Variants in UNC13B observed in about 807,000 individuals in gnomAD.
The protein encoded by UNC13B is protein unc-13 homolog B.
A neutral mutation model predicts 211.0 loss-of-function variants in UNC13B; 144 were observed. The ratio of observed to expected loss-of-function variants is 0.68; its 90% CI spans 0.60 to 0.78. The LOEUF is 0.78. Among genes scored for constraint, UNC13B ranks in the 30% least tolerant of loss-of-function variants. UNC13B has a pLI of 0.00. For synonymous variants in UNC13B, 709 were observed against 725.8 expected (o/e 0.98, Z 0.37); for missense variants, 1,777 against 2,002.0 (o/e 0.89, Z 2.14).
chr9:35,375,307 G>A (rs1280173978), intron 14 of UNC13B, 106 bp downstream of exon 14: 1 of 1,201,114 alleles, frequency 8.3e-7, no homozygotes, highest in East Asian at 2.4e-5. Flanking sequence ...AAGAGTGCTG[G>A]ACACACATTG....
At chr9:35,223,412 C>A (rs532665261) in intron 1 of UNC13B, among the ~76,000 whole-genome samples, 6 of 152,198 alleles carry the variant, frequency 3.9e-5, no homozygotes, top group African/African-American at 1.4e-4. Context: ...TGATAGCTCA[C>A]TGTGGTTTTG....
chr9:35,313,351 G>A (rs1047555999), intron 10 of UNC13B, among the ~76,000 whole-genome samples: 2 of 152,160 alleles, frequency 1.3e-5, no homozygotes, highest in African/African-American at 2.4e-5. Flanking sequence ...CAGATGAGGC[G>A]CAGTGGCTCA....
intron 11 of UNC13B, among the ~76,000 whole-genome samples, chr9:35,327,916 TA>T (rs1831112540): frequency 6.6e-6 from 1 of 152,264 alleles, no homozygotes. Context: ...AGGTAAAAAC[TA>T]AAGTTGTCAG....
chr9:35,254,603 CT>C (rs990941048), intron 6 of UNC13B, among the ~76,000 whole-genome samples: 2 of 151,906 alleles, frequency 1.3e-5, no homozygotes, highest in African/African-American at 4.8e-5. Context: ...TATTATACTA[CT>C]TTTGTTAGAT....
chr9:35,229,108 C>G (rs1280960328), intron 2 of UNC13B, among the ~76,000 whole-genome samples: 1 of 151,994 alleles, frequency 6.6e-6, no homozygotes, highest in African/African-American at 2.4e-5. Flanking sequence ...ACTTTAAAAT[C>G]TCTGTCCATC....
intron 1 of UNC13B, among the ~76,000 whole-genome samples, chr9:35,198,157 C>T (rs916256235): frequency 2.0e-5 from 3 of 151,948 alleles, no homozygotes; most frequent in East Asian, 3.9e-4. Context: ...CCAAATCTCA[C>T]GTCGAATTGT....
At position 35,295,887 on chromosome 9, in the gene UNC13B, A is replaced by G. The variant is rs773559713; in HGVS notation, c.718A>G (p.Met240Val). The change falls in exon 8 of 40, where the codon ATG becomes GTG. Residue 240 changes from methionine (M) to valine (V), a missense_variant. Transcript: ENST00000635942. ...GSSRDSCNDS[M>V]QSYDLDYPER... ...TTCCCGGGACTCTTGTAATGACTCTATGCAAAGTTATGACCTTGATTATCC... is the reference window on the plus strand; with the variant it reads ...TTCCCGGGACTCTTGTAATGACTCTGTGCAAAGTTATGACCTTGATTATCC... 3.3e-5 allele frequency: 53 copies of G among 1,613,766 alleles called. No homozygotes were observed. In the Admixed American group the frequency reaches 4.3e-4, roughly 13 times the overall value.
At chr9:35,248,968 C>A (rs1826279512) in intron 6 of UNC13B, among the ~76,000 whole-genome samples, 1 of 152,064 alleles carries the variant, frequency 6.6e-6, no homozygotes, top group African/African-American at 2.4e-5. Context: ...TAAAGTCTCC[C>A]ATTATTATTG....
At chr9:35,380,322 TC>T (rs1834737335) in intron 17 of UNC13B, 147 bp from the exon 18 acceptor site, 3 of 852,238 alleles carry the variant, frequency 3.5e-6, no homozygotes, top group African/African-American at 1.7e-5. Flanking sequence ...AGCCCAACTT[TC>T]TTGGAACTTT....
chr9:35,396,770 G>T, intron 27 of UNC13B, 71 bp from the exon 28 acceptor site: 3 of 1,604,410 alleles, frequency 1.9e-6, no homozygotes, highest in Non-Finnish European at 2.6e-6. Context: ...ACCCCAGTCT[G>T]GTGGAGCTGT....
intron 1 of UNC13B, among the ~76,000 whole-genome samples, chr9:35,196,426 G>A (rs7044080): frequency 0.98 from 149,717 of 152,328 alleles, 73,625 homozygotes; most frequent in East Asian, 1. Flanking sequence ...AATCCCTTGT[G>A]GCTTTGGTTC....
Position 35,310,739 on chromosome 9 carries a change from A to T in UNC13B, c.9281A>T (p.Asp3094Val). 6.2e-7 allele frequency: 1 copy of T among 1,613,862 alleles called. No individual in the cohort carries two copies. Among genetic ancestry groups the T allele is most frequent in the Non-Finnish European group, 8.5e-7 (1 of 1,179,946 alleles). Residue 3094 changes from aspartate to valine, a missense_variant, in exon 10 of 40, where the codon GAT becomes GTT. By Grantham distance (152) the Asp-to-Val change is radical (BLOSUM62 -3). Transcript: ENST00000635942. ...GATGCCACAACCCACCCTCCCCCAG[A>T]TCTGGTGCTGCAAAAAGACCACTTC... ...KEDATTHPPPDLVLQKDHFLG... is the reference protein window; with the variant it reads ...KEDATTHPPPVLVLQKDHFLG...
At chr9:35,238,613 T>A (rs1383996668) in intron 5 of UNC13B, among the ~76,000 whole-genome samples, 1 of 151,840 alleles carries the variant, frequency 6.6e-6, no homozygotes, top group Non-Finnish European at 1.5e-5. Context: ...TTTAGGGCAG[T>A]GGCATGATCT....
intron 1 of UNC13B, among the ~76,000 whole-genome samples, chr9:35,193,426 A>C (rs1434899678): frequency 6.6e-6 from 1 of 152,064 alleles, no homozygotes; most frequent in Non-Finnish European, 1.5e-5. Context: ...AGACAGGTGG[A>C]TCATGAGGTC....
At chr9:35,243,190 C>A in intron 5 of UNC13B, 101 bp from the exon 6 acceptor site, 1 of 1,167,826 alleles carries the variant, frequency 8.6e-7, no homozygotes, top group Non-Finnish European at 1.3e-6. Context: ...ATCACTACCA[C>A]CTTCTGACTT....
intron 7 of UNC13B, among the ~76,000 whole-genome samples, chr9:35,294,727 C>T (rs1021079194): frequency 2.0e-5 from 3 of 152,298 alleles, no homozygotes; most frequent in South Asian, 2.1e-4. Flanking sequence ...CAAGAAAGGA[C>T]ACGTGGAACC....
At chr9:35,335,905 C>T (rs937753987) in intron 11 of UNC13B, among the ~76,000 whole-genome samples, 3 of 152,050 alleles carry the variant, frequency 2.0e-5, no homozygotes, top group African/African-American at 7.2e-5. Context: ...GGGGGTCCCC[C>T]TATGTTGCCC....
intron 1 of UNC13B, among the ~76,000 whole-genome samples, chr9:35,171,123 A>G (rs574329473): frequency 3.3e-4 from 47 of 141,036 alleles, no homozygotes; most frequent in Admixed American, 1.4e-4. Flanking sequence ...TTTTTTTGAG[A>G]TGGAGTCTCA....
chr9:35,193,950 C>T (rs1288817714), intron 1 of UNC13B, among the ~76,000 whole-genome samples: 2 of 152,080 alleles, frequency 1.3e-5, no homozygotes, highest in African/African-American at 2.4e-5. Context: ...CATGTGCTTT[C>T]CAGACCAAGG....
Sources: gnomAD v4.1 joint callset for allele counts (sites outside exome capture counted in the v4.1 genomes callset) on GRCh38, gnomAD v4.1.1 for gene constraint, MANE v1.5 for transcripts, NCBI Gene and HGNC (gene_info 2026-07-23, HGNC 2026-07-21) for gene names.